The following USH2A variants were observed in gnomAD, a reference collection of about 807,000 sequenced individuals.
The protein encoded by USH2A is usherin, also known as Usher syndrome 2A (autosomal recessive, mild).
USH2A carries 443 observed loss-of-function variants against 538.9 expected under a neutral mutation model. The ratio of observed to expected loss-of-function variants is 0.82; its 90% CI spans 0.76 to 0.89. The LOEUF (loss-of-function observed/expected upper bound fraction) is 0.89, where lower values mean the gene tolerates loss of function less well. USH2A is among the 40% of genes least tolerant of loss of function. USH2A has a pLI of 0.00. For missense variants in USH2A, 6,633 were observed against 6,324.8 expected (o/e 1.05, Z -1.65); for synonymous variants, 2,413 against 2,273.5 (o/e 1.06, Z -1.75).
At chr1:216,188,495 G>A (rs904584817) in intron 20 of USH2A, among the ~76,000 whole-genome samples, 2 of 151,762 alleles carry the variant, frequency 1.3e-5, no homozygotes, top group African/African-American at 2.4e-5. Flanking sequence ...AAAAGACTTG[G>A]GTGGATATAA....
intron 37 of USH2A, among the ~76,000 whole-genome samples, chr1:215,952,156 G>T (rs140616947): frequency 0.012 from 1,844 of 152,240 alleles, 26 homozygotes; most frequent in African/African-American, 0.043. Context: ...GAGCCACCGC[G>T]CCCGGCCTGG....
At chr1:216,386,541 CTA>C (rs66638535) in intron 3 of USH2A, among the ~76,000 whole-genome samples, 96,006 of 132,864 alleles carry the variant, frequency 0.72, 36,337 homozygotes, top group East Asian at 0.87. Flanking sequence ...AACCAAAAAA[CTA>C]TATATATATA....
intron 47 of USH2A, among the ~76,000 whole-genome samples, chr1:215,824,906 G>T (rs940230875): frequency 3.9e-5 from 6 of 152,170 alleles, no homozygotes; most frequent in African/African-American, 1.4e-4. Context: ...TCTGCTCGGA[G>T]ATTTTCACTT....
intron 27 of USH2A, among the ~76,000 whole-genome samples, chr1:216,077,041 C>T (rs2031776809): frequency 1.3e-5 from 2 of 152,056 alleles, no homozygotes; most frequent in Admixed American, 6.6e-5. Flanking sequence ...TGCTTACTAG[C>T]CATGTGACCT....
intron 56 of USH2A, among the ~76,000 whole-genome samples, chr1:215,764,256 G>A (rs957914408): frequency 2.0e-5 from 3 of 152,088 alleles, no homozygotes; most frequent in Non-Finnish European, 4.4e-5. Context: ...CCAAGGGTGT[G>A]TAAACGTTAA....
chr1:216,064,699 C>A (rs749208709), intron 30 of USH2A, among the ~76,000 whole-genome samples: 1 of 151,778 alleles, frequency 6.6e-6, no homozygotes, highest in African/African-American at 2.4e-5. Flanking sequence ...TGTTTAGATA[C>A]ACAAATACTT....
chr1:215,994,391 T>A (rs974652863), intron 34 of USH2A, among the ~76,000 whole-genome samples: 5 of 152,176 alleles, frequency 3.3e-5, no homozygotes, highest in African/African-American at 1.2e-4. Context: ...TTTAGATTTT[T>A]TTTTTAAATA....
At chr1:215,773,485 T>G (rs1432015493) in intron 55 of USH2A, among the ~76,000 whole-genome samples, 1 of 113,960 alleles carries the variant, frequency 8.8e-6, no homozygotes, top group African/African-American at 5.3e-5. Flanking sequence ...TGTCTCTCTG[T>G]CTCTCTGTCT....
chr1:216,346,981 A>T (rs935517785), intron 4 of USH2A, among the ~76,000 whole-genome samples: 1 of 152,140 alleles, frequency 6.6e-6, no homozygotes, highest in African/African-American at 2.4e-5. Flanking sequence ...CTTTTAGTTC[A>T]TGTGACTTTA....
chr1:215,960,634 A>G (rs912868416), intron 37 of USH2A, among the ~76,000 whole-genome samples: 7 of 152,132 alleles, frequency 4.6e-5, no homozygotes, highest in African/African-American at 1.7e-4. Context: ...GTTTCAAATC[A>G]GGTAGAATCC....
chr1:216,316,047 A>G (rs954867539), intron 9 of USH2A, among the ~76,000 whole-genome samples: 2 of 152,260 alleles, frequency 1.3e-5, no homozygotes, highest in Admixed American at 6.5e-5. Context: ...CTATGAGTGA[A>G]GTATTTATGG....
intron 21 of USH2A, among the ~76,000 whole-genome samples, chr1:216,173,328 G>A (rs2034308432): frequency 6.6e-6 from 1 of 151,998 alleles, no homozygotes; most frequent in African/African-American, 2.4e-5. Flanking sequence ...AAGTTAAAGG[G>A]GTCTTAAAAG....
chr1:215,650,605 C>G lies in USH2A; in HGVS notation c.14330G>C (p.Gly4777Ala). 1 of 1,614,116 alleles carries G rather than the reference C, an allele frequency of 6.2e-7. No homozygotes were observed. The highest frequency in any genetic ancestry group is 1.1e-5 in the South Asian group (1 of 91,076). ...LYRLFSSSAH[G>A]AETVLSEGMA... ...TCTGCTGCTCACCACTGTCTCAGCC[C>G]CATGGGCGCTGCTGGAGAACAGCCT... is the stretch of plus-strand genomic sequence containing the variant. Residue 4777 changes from glycine to alanine, a missense_variant, in exon 65 of 72, where the codon GGG (glycine) becomes GCG (alanine). Coordinates refer to ENST00000307340, the MANE Select transcript of USH2A (RefSeq NM_206933.4).
chr1:215,814,467 A>C (rs1662800558), intron 48 of USH2A, among the ~76,000 whole-genome samples: 1 of 152,020 alleles, frequency 6.6e-6, no homozygotes, highest in Non-Finnish European at 1.5e-5. Flanking sequence ...AAAAATTGTA[A>C]ATTTCATTTG....
chr1:216,333,949 G>A (rs768905701), intron 4 of USH2A, among the ~76,000 whole-genome samples: 20 of 152,022 alleles, frequency 1.3e-4, no homozygotes, highest in Non-Finnish European at 1.6e-4. Context: ...TGCTCTACAA[G>A]AAATACCAAA....
chr1:216,262,292 A>G (rs2036389427), intron 11 of USH2A, among the ~76,000 whole-genome samples: 1 of 152,166 alleles, frequency 6.6e-6, no homozygotes, highest in African/African-American at 2.4e-5. Flanking sequence ...AGCAAGATAG[A>G]AGAAAATACA....
chr1:216,167,083 A>G (rs750260440), intron 21 of USH2A, among the ~76,000 whole-genome samples: 4 of 151,952 alleles, frequency 2.6e-5, no homozygotes, highest in Non-Finnish European at 5.9e-5. Context: ...CTCCAAACAA[A>G]CGGCCTATGG....
Position 216,111,106 on chromosome 1 carries a change from C to A in USH2A, c.4628-13893G>T, listed in dbSNP as rs185158367. 1.0e-3 allele frequency among the ~76,000 whole-genome samples: 153 copies of A among 152,200 alleles called. 1 individual carries two copies. Among genetic ancestry groups the A allele is most frequent in the African/African-American group, 3.5e-3 (147 of 41,546 alleles). On this transcript the variant is annotated intron_variant, in intron 21 of 71. Transcript: ENST00000307340. Reference sequence around the variant, plus strand: ...TTGGGCTCGTTGGCACACTTGTAATCCCAGCTACTCAGGAGGTTGCGGCAA... The same window carrying A: ...TTGGGCTCGTTGGCACACTTGTAATACCAGCTACTCAGGAGGTTGCGGCAA...
chr1:215,716,851 C>T (rs549713869), intron 61 of USH2A, among the ~76,000 whole-genome samples: 215 of 152,320 alleles, frequency 1.4e-3, no homozygotes, highest in African/African-American at 4.9e-3. Context: ...GTGCTAAGAA[C>T]TCTGATGTGC....
Sources: gnomAD v4.1 joint callset for allele counts (sites outside exome capture counted in the v4.1 genomes callset) on GRCh38, gnomAD v4.1.1 for gene constraint, MANE v1.5 for transcripts, NCBI Gene and HGNC (gene_info 2026-07-23, HGNC 2026-07-21) for gene names.